TMEM108: variants seen among roughly 807,000 people sequenced by gnomAD.
The protein encoded by TMEM108 is transmembrane protein 108, also known as cancer/testis antigen 124.
A neutral mutation model predicts 35.1 loss-of-function variants in TMEM108; 12 were observed. The ratio of observed to expected loss-of-function variants is 0.34; its 90% CI spans 0.22 to 0.55. The LOEUF (loss-of-function observed/expected upper bound fraction) is 0.55, where lower values mean the gene tolerates loss of function less well. TMEM108 is among the 20% of genes least tolerant of loss of function. TMEM108 has a pLI of 0.89. For synonymous variants in TMEM108, 287 were observed against 308.6 expected (o/e 0.93, Z 0.73); for missense variants, 680 against 753.3 (o/e 0.90, Z 1.14).
intron 2 of TMEM108, among the ~76,000 whole-genome samples, chr3:133,124,179 T>C (rs1269815391): frequency 2.6e-5 from 4 of 152,156 alleles, no homozygotes; most frequent in Non-Finnish European, 5.9e-5. Context: ...GGGAAAAAAA[T>C]ATGGAAAGCA....
intron 2 of TMEM108, among the ~76,000 whole-genome samples, chr3:133,165,567 G>A (rs1945025129): frequency 6.6e-6 from 1 of 152,168 alleles, no homozygotes; most frequent in African/African-American, 2.4e-5. Flanking sequence ...AGGTTTATGT[G>A]TGTTTCAGTC....
At chr3:133,159,657 G>T (rs532423449) in intron 2 of TMEM108, among the ~76,000 whole-genome samples, 2 of 152,112 alleles carry the variant, frequency 1.3e-5, no homozygotes, top group African/African-American at 4.8e-5. Context: ...CCCTGTGAGC[G>T]GATATTGTTG....
chr3:133,236,360 G>T (rs936833696), intron 3 of TMEM108, among the ~76,000 whole-genome samples: 1 of 152,056 alleles, frequency 6.6e-6, no homozygotes, highest in Non-Finnish European at 1.5e-5. Context: ...TACTGGTATG[G>T]ATTTGGACCC....
chr3:133,346,970 T>C lies in TMEM108; in HGVS notation c.41-32782T>C, dbSNP rs1429311056. On this transcript the variant is annotated intron_variant, in intron 3 of 5. Coordinates refer to ENST00000321871, the MANE Select transcript of TMEM108 (RefSeq NM_023943.4). This position sits in a 1 kb window ranked among gnomAD's most constrained non-coding sequence, Gnocchi z 4.0. The stretch of plus-strand genomic sequence containing the variant: ...GACTTTATTTGCGTGAGTCTGTCTC[T>C]GGACCCTATTCTGTTCTGTTGATCA... Among the ~76,000 whole-genome samples the C allele has an allele frequency of 1.3e-5, 2 of 152,108 alleles. No homozygotes were observed. The highest frequency in any genetic ancestry group is 3.8e-4 in the East Asian group (2 of 5,196).
intron 3 of TMEM108, among the ~76,000 whole-genome samples, chr3:133,343,809 G>A (rs1314393414): frequency 6.6e-6 from 1 of 151,832 alleles, no homozygotes. Context: ...ATCACAAACA[G>A]TGAGATTTAA....
chr3:133,118,053 GT>G (rs1445625658), intron 2 of TMEM108, among the ~76,000 whole-genome samples: 8 of 152,100 alleles, frequency 5.3e-5, no homozygotes, highest in Non-Finnish European at 1.2e-4. Flanking sequence ...GTTTTGGGGA[GT>G]TGGTAGAGTA....
At chr3:133,228,796 A>G (rs553003494) in intron 2 of TMEM108, among the ~76,000 whole-genome samples, 1 of 152,282 alleles carries the variant, frequency 6.6e-6, no homozygotes, top group East Asian at 1.9e-4. Context: ...CCATACCAGA[A>G]GTATCCTTGT....
At chr3:133,185,361 T>C (rs1945403553) in intron 2 of TMEM108, among the ~76,000 whole-genome samples, 1 of 151,988 alleles carries the variant, frequency 6.6e-6, no homozygotes, top group African/African-American at 2.4e-5. Flanking sequence ...GTGGATGCTT[T>C]TGGTTTAACT....
At chr3:133,096,663 G>A (rs910101171) in intron 2 of TMEM108, among the ~76,000 whole-genome samples, 2 of 152,156 alleles carry the variant, frequency 1.3e-5, no homozygotes, top group East Asian at 1.9e-4. Flanking sequence ...ATGACAGATG[G>A]TAAAGAGCAA....
At chr3:133,369,009 A>G (rs145870577) in intron 3 of TMEM108, among the ~76,000 whole-genome samples, 120 of 152,358 alleles carry the variant, frequency 7.9e-4, no homozygotes, top group African/African-American at 2.8e-3. Context: ...AGCACTCTGC[A>G]CATAGGCATT....
intron 3 of TMEM108, among the ~76,000 whole-genome samples, chr3:133,350,979 G>A (rs2071979924): frequency 6.6e-6 from 1 of 152,132 alleles, no homozygotes; most frequent in Non-Finnish European, 1.5e-5. Flanking sequence ...TACAAAGCCT[G>A]TTTCTTTCCC....
chr3:133,235,211 C>T (rs1385492457), intron 3 of TMEM108, among the ~76,000 whole-genome samples: 2 of 152,242 alleles, frequency 1.3e-5, no homozygotes, highest in East Asian at 3.9e-4. Flanking sequence ...CCATCCCCAT[C>T]AAGCTACCAA....
chr3:133,372,992 G>C (rs2072720485), intron 3 of TMEM108, among the ~76,000 whole-genome samples: 1 of 152,174 alleles, frequency 6.6e-6, no homozygotes, highest in Admixed American at 6.5e-5. Flanking sequence ...GGAATTAGAA[G>C]TTTATATTTG....
At chr3:133,351,283 A>G (rs572414908) in intron 3 of TMEM108, among the ~76,000 whole-genome samples, 2 of 152,120 alleles carry the variant, frequency 1.3e-5, no homozygotes, top group Non-Finnish European at 2.9e-5. Context: ...TCTGGTGGGA[A>G]GGTGCTGATC....
intron 2 of TMEM108, among the ~76,000 whole-genome samples, chr3:133,169,386 C>G (rs1172717134): frequency 1.3e-5 from 2 of 152,024 alleles, no homozygotes; most frequent in Non-Finnish European, 2.9e-5. Flanking sequence ...TAAACAAAAT[C>G]CTATTATAAA....
At chr3:133,155,090 T>C (rs1944860515) in intron 2 of TMEM108, among the ~76,000 whole-genome samples, 1 of 152,262 alleles carries the variant, frequency 6.6e-6, no homozygotes, top group East Asian at 1.9e-4. Context: ...CTCCTATTTA[T>C]AAGTGAGAAC....
rs117982144 is a variant in TMEM108, at chr3:133,084,818, G to A, written c.-47+38798G>A. Among the ~76,000 whole-genome samples, 693 of 152,276 alleles carry A rather than the reference G, an allele frequency of 4.6e-3. 13 individuals carry two copies. The highest frequency in any genetic ancestry group is 0.036 in the South Asian group (173 of 4,824). On this transcript the variant is annotated intron_variant, in intron 2 of 5. Transcript: ENST00000321871. Reference sequence around the variant, plus strand: ...CAGGGAGATAGAAGTTCAAATATTCGTGAGATCATAGAGTGGGAGTGAATG... The same window carrying A: ...CAGGGAGATAGAAGTTCAAATATTCATGAGATCATAGAGTGGGAGTGAATG...
At chr3:133,372,966 G>A (rs2072719721) in intron 3 of TMEM108, among the ~76,000 whole-genome samples, 1 of 152,100 alleles carries the variant, frequency 6.6e-6, no homozygotes, top group South Asian at 2.1e-4. Flanking sequence ...TTTGGTTAAG[G>A]GAAACCATGC....
At chr3:133,327,527 C>A (rs1274760163) in intron 3 of TMEM108, among the ~76,000 whole-genome samples, 3 of 152,170 alleles carry the variant, frequency 2.0e-5, no homozygotes, top group Admixed American at 1.3e-4. Flanking sequence ...AGGAGCCCCC[C>A]AGAAAATGTC....
Sources: gnomAD v4.1 joint callset for allele counts (sites outside exome capture counted in the v4.1 genomes callset) on GRCh38, gnomAD v4.1.1 for gene constraint, Gnocchi (gnomAD v3.1) non-coding constraint, MANE v1.5 for transcripts, NCBI Gene and HGNC (gene_info 2026-07-23, HGNC 2026-07-21) for gene names.